The following DLG2 variants were observed in gnomAD, a reference collection of about 807,000 sequenced individuals.
The protein encoded by DLG2 is discs large MAGUK scaffold protein 2.
A neutral mutation model predicts 132.5 loss-of-function variants in DLG2; 45 were observed. The ratio of observed to expected loss-of-function variants is 0.34; its 90% CI spans 0.27 to 0.44. The LOEUF (loss-of-function observed/expected upper bound fraction) is 0.44. DLG2 is among the 20% of genes least tolerant of loss of function. The pLI is 1.00. For missense variants in DLG2, 1,045 were observed against 1,196.9 expected (o/e 0.87, Z 1.87); for synonymous variants, 424 against 419.6 (o/e 1.01, Z -0.13).
At chr11:83,850,168 A>AGACGGAGTCTCACTC (rs2059469425) in intron 16 of DLG2, among the ~76,000 whole-genome samples, 1 of 145,488 alleles carries the variant, frequency 6.9e-6, no homozygotes, top group African/African-American at 2.6e-5. Flanking sequence ...GTGTTTTTTT[A>AGACGGAGTCTCACTC]CTTGAGACGG....
intron 18 of DLG2, chr11:83,725,032 GGCTACCTTCC>G (rs1203512960): frequency 1.6e-6 from 1 of 626,252 alleles, no homozygotes; most frequent in Non-Finnish European, 2.9e-6. Context: ...AAGCAGGTAG[GGCTACCTTCC>G]CAGGCTAGTG....
At chr11:83,697,060 T>A (rs372820310) in intron 18 of DLG2, among the ~76,000 whole-genome samples, 48 of 152,304 alleles carry the variant, frequency 3.2e-4, no homozygotes, top group South Asian at 1.7e-3. Flanking sequence ...ATACTAGGTG[T>A]TCAACGTAAG....
chr11:84,164,074 T>C (rs958200757), intron 8 of DLG2, among the ~76,000 whole-genome samples: 4 of 152,146 alleles, frequency 2.6e-5, no homozygotes, highest in African/African-American at 4.8e-5. Flanking sequence ...TAACCATACC[T>C]ATGTACCTCA....
intron 6 of DLG2, among the ~76,000 whole-genome samples, chr11:84,943,385 CCTTCCT>C (rs1464797563): frequency 6.6e-6 from 1 of 151,932 alleles, no homozygotes; most frequent in Non-Finnish European, 1.5e-5. Context: ...TGCCTTCCTG[CCTTCCT>C]GCATTCCCAC....
intron 3 of DLG2, among the ~76,000 whole-genome samples, chr11:85,376,218 T>C (rs971076714): frequency 2.0e-5 from 3 of 152,170 alleles, no homozygotes; most frequent in Middle Eastern, 3.2e-3. Context: ...TATAGGAATA[T>C]AGAGGGAGGA....
intron 6 of DLG2, among the ~76,000 whole-genome samples, chr11:85,007,978 A>G (rs1441507271): frequency 6.6e-6 from 1 of 152,156 alleles, no homozygotes; most frequent in Admixed American, 6.5e-5. Context: ...CATTGTGTGT[A>G]CCAAGTATTA....
At chr11:85,489,777 A>G (rs939628993) in intron 3 of DLG2, among the ~76,000 whole-genome samples, 2 of 152,242 alleles carry the variant, frequency 1.3e-5, no homozygotes, top group African/African-American at 4.8e-5. Context: ...CAGAAGCTAT[A>G]CGAACACATG....
At chr11:84,778,033 C>G (rs950717512) in intron 6 of DLG2, among the ~76,000 whole-genome samples, 2 of 152,040 alleles carry the variant, frequency 1.3e-5, no homozygotes, top group Non-Finnish European at 2.9e-5. Flanking sequence ...TTGCCTAGAC[C>G]GATATCCAGA....
intron 6 of DLG2, among the ~76,000 whole-genome samples, chr11:84,651,069 C>T (rs1451071975): frequency 6.6e-6 from 1 of 151,620 alleles, no homozygotes; most frequent in Non-Finnish European, 1.5e-5. Flanking sequence ...TCTTACTTGA[C>T]CTTTCTGAGC....
At chr11:84,218,636 T>G (rs937188860) in intron 8 of DLG2, among the ~76,000 whole-genome samples, 2 of 152,156 alleles carry the variant, frequency 1.3e-5, no homozygotes, top group East Asian at 3.8e-4. Context: ...ACCCTTAAAA[T>G]GAAAGGATCC....
chr11:83,458,705 T>C lies in DLG2; in HGVS notation c.*1113A>G, dbSNP rs918601731. The stretch of plus-strand genomic sequence containing the variant: ...GAACAAAGTTATTCAACTATTTGCA[T>C]GGCAGGCTCAGGTTATTTAACTAGA... On this transcript the variant is annotated 3_prime_UTR_variant, in exon 28 of 28. Transcript: ENST00000376104. The C allele has an allele frequency of 1.3e-5, 2 of 152,254 alleles. No homozygotes were observed. The highest frequency in any genetic ancestry group is 4.8e-5 in the African/African-American group (2 of 41,462). The allele number at this position is 152,254 out of a possible 1,614,324, so 9.4% of individuals were successfully genotyped here. A position where few individuals can be genotyped will look rare whatever the true frequency, so the allele number is the denominator to read the frequency against.
At chr11:84,674,570 A>C (rs1187594773) in intron 6 of DLG2, among the ~76,000 whole-genome samples, 1 of 152,066 alleles carries the variant, frequency 6.6e-6, no homozygotes, top group Non-Finnish European at 1.5e-5. Flanking sequence ...TATTTTACAC[A>C]AAACAAAACT....
At chr11:83,816,229 T>C (rs1401928407) in intron 17 of DLG2, among the ~76,000 whole-genome samples, 1 of 152,162 alleles carries the variant, frequency 6.6e-6, no homozygotes, top group Admixed American at 6.5e-5. Flanking sequence ...TTTCCGTAAA[T>C]AGGCTCCAGC....
intron 6 of DLG2, among the ~76,000 whole-genome samples, chr11:85,107,521 C>CT (rs1443728579): frequency 6.6e-6 from 1 of 152,002 alleles, no homozygotes; most frequent in Non-Finnish European, 1.5e-5. Context: ...ATCCAAAGTT[C>CT]TTTAATTCCA....
chr11:83,997,969 T>A (rs796435307), intron 11 of DLG2, among the ~76,000 whole-genome samples: 78 of 150,854 alleles, frequency 5.2e-4, no homozygotes, highest in Middle Eastern at 3.4e-3. Context: ...CTATCTCTAC[T>A]AAAAATACAA....
chr11:84,711,051 A>T (rs989042433), intron 6 of DLG2, among the ~76,000 whole-genome samples: 1 of 148,090 alleles, frequency 6.8e-6, no homozygotes, highest in Non-Finnish European at 1.5e-5. Context: ...AAAAGCATTA[A>T]AGTAGTTTTA....
chr11:85,466,827 T>C (rs1288567951), intron 3 of DLG2, among the ~76,000 whole-genome samples: 4 of 152,178 alleles, frequency 2.6e-5, no homozygotes, highest in African/African-American at 9.7e-5. Context: ...TTTAAAGTAG[T>C]GTTTTCCAAT....
chr11:84,752,424 A>G (rs1231907656), intron 6 of DLG2, among the ~76,000 whole-genome samples: 1 of 152,182 alleles, frequency 6.6e-6, no homozygotes, highest in South Asian at 2.1e-4. Flanking sequence ...AAAAAACTGT[A>G]GCAGTGTAAG....
chr11:85,433,941 A>G (rs2091334129), intron 3 of DLG2, among the ~76,000 whole-genome samples: 1 of 152,250 alleles, frequency 6.6e-6, no homozygotes, highest in South Asian at 2.1e-4. Flanking sequence ...CAGCAAATGC[A>G]AAATAACTGA....
Sources: allele counts gnomAD v4.1 joint callset (sites outside exome capture counted in the v4.1 genomes callset), GRCh38; gene constraint gnomAD v4.1.1; transcripts MANE v1.5; gene names NCBI Gene and HGNC (gene_info 2026-07-23, HGNC 2026-07-21).